The following KIF20A variants were observed in gnomAD, a reference collection of about 807,000 sequenced individuals.
KIF20A encodes the protein kinesin family member 20A.
In KIF20A, 66 loss-of-function variants were observed where a neutral mutation model predicts 113.0. That is an observed-to-expected ratio of 0.58 (90% CI 0.48 to 0.72). KIF20A has a LOEUF of 0.72. KIF20A is among the 30% of genes least tolerant of loss of function. The pLI is 0.00. For missense variants in KIF20A, 927 were observed against 1,077.6 expected, an observed-to-expected ratio of 0.86 and a Z score of 1.96; for synonymous variants, 376 against 402.3, an observed-to-expected ratio of 0.93 and a Z score of 0.78.
intron 2 of KIF20A, among the ~76,000 whole-genome samples, 163 bp from the exon 3 acceptor site, chr5:138,181,259 C>G (rs1325891661): frequency 6.6e-6 from 1 of 152,208 alleles, no homozygotes; most frequent in Non-Finnish European, 1.5e-5. Context: ...TAAAAATGTC[C>G]ATGTGGGTTG....
chr5:138,179,225 G>A (rs1006843096), intron 1 of KIF20A, 23 bp downstream of exon 1: 1 of 193,514 alleles, frequency 5.2e-6, no homozygotes, highest in Non-Finnish European at 1.1e-5. Context: ...CTGTGCTGGA[G>A]CCCGGGTTAC....
chr5:138,181,248 G>A (rs949991358), intron 2 of KIF20A, among the ~76,000 whole-genome samples, 174 bp from the exon 3 acceptor site: 4 of 152,250 alleles, frequency 2.6e-5, no homozygotes, highest in African/African-American at 9.6e-5. Flanking sequence ...TGACAAAGTA[G>A]TAAAAATGTC....
rs1459472701 is a variant in KIF20A at position 138,184,610 on chromosome 5, T to G, written c.1617T>G (p.Ala539=). The change falls in exon 13 of 19, where the codon GCT becomes GCG. Residue 539 remains alanine, a synonymous_variant. Transcript: ENST00000394894. ...TATCCCCCAGCTTAGAGAAAGGGGCTAAGGCAGACACAGGCCTTGATGATG... is the reference window on the plus strand; with the variant it reads ...TATCCCCCAGCTTAGAGAAAGGGGCGAAGGCAGACACAGGCCTTGATGATG... ...LQVSPSLEKG[A]KADTGLDDDI... is the part of the protein sequence containing the mutation. The G allele has an allele frequency of 6.2e-7, 1 of 1,614,180 alleles. No homozygotes were observed. Among genetic ancestry groups the G allele is most frequent in the South Asian group, 1.1e-5 (1 of 91,088 alleles).
At position 138,182,904 on chromosome 5, in the gene KIF20A, G is replaced by T; in HGVS notation, c.746G>T (p.Ser249Ile). The T allele has an allele frequency of 6.2e-7, 1 of 1,614,198 alleles. No individual in the cohort carries two copies. The highest frequency in any genetic ancestry group is 1.6e-4 in the Middle Eastern group (1 of 6,062). ...TSLKRSVYIE[S>I]RIGTSTSFDS... ...TTGAAGAGGAGTGTCTACATCGAAA[G>T]TCGGATAGGTACCAGCACCAGCTTC... Residue 249 changes from serine to isoleucine, a missense_variant, in exon 7 of 19, where the codon AGT (serine) becomes ATT (isoleucine). Coordinates refer to ENST00000394894, the MANE Select transcript of KIF20A (RefSeq NM_005733.3).
intron 17 of KIF20A, 116 bp from the exon 18 acceptor site, chr5:138,186,178 C>A: frequency 6.8e-7 from 1 of 1,479,932 alleles, no homozygotes; most frequent in Non-Finnish European, 9.3e-7. Context: ...GTGGCTATTT[C>A]ACTCAGCTGA....
Position 138,181,664 on chromosome 5 carries a change from C to G in KIF20A, c.311C>G (p.Ser104Cys), listed in dbSNP as rs1418544097. Residue 104 changes from serine (S) to cysteine (C), a missense_variant, in exon 4 of 19, where the codon TCT becomes TGT. Ser to Cys is a moderately radical substitution (Grantham distance 112, BLOSUM62 -1). Transcript: ENST00000394894. The stretch of plus-strand genomic sequence containing the variant: ...CTTGTTCTACAAGCACCCAAGGACT[C>G]TTTTGCCCTGAAGAGCAATGAACGG... ...ETLVLQAPKDSFALKSNERGI... is the reference protein window; with the variant it reads ...ETLVLQAPKDCFALKSNERGI... 3 of 1,614,224 alleles carry G rather than the reference C, an allele frequency of 1.9e-6. No homozygotes were observed. The highest frequency in any genetic ancestry group is 2.5e-6 in the Non-Finnish European group (3 of 1,180,034).
In KIF20A at chr5:138,187,114, C is replaced by T. The variant is rs1263401871; in HGVS notation, c.2374C>T (p.Leu792=). The change falls in exon 19 of 19, where the codon CTG becomes TTG. Residue 792 remains leucine (L), a synonymous_variant. Coordinates refer to ENST00000394894, the MANE Select transcript of KIF20A (RefSeq NM_005733.3). ...LIKQDQTLAE[L]QNNMVLVKLD... ...TCCTTAGGACCAGACTCTGGCTGAACTGCAGAACAACATGGTGCTAGTGAA... is the reference window on the plus strand; with the variant it reads ...TCCTTAGGACCAGACTCTGGCTGAATTGCAGAACAACATGGTGCTAGTGAA... The T allele has an allele frequency of 1.2e-6, 2 of 1,610,288 alleles. No homozygotes were observed. Among genetic ancestry groups the T allele is most frequent in the South Asian group, 2.2e-5 (2 of 90,940 alleles).
rs1208065891 is a variant in KIF20A, at chr5:138,179,817, T to G, written c.137T>G (p.Val46Gly). The part of the protein sequence containing the change: ...RKNLLSDCSV[V>G]STSLEDKQQV... ...AACCTGCTATCAGACTGCTCTGTCG[T>G]CTCTACCTCCCTAGAGGACAAGCAG... The change falls in exon 2 of 19, where the codon GTC (valine) becomes GGC (glycine). Residue 46 changes from valine to glycine, a missense_variant. By Grantham distance (109) the Val-to-Gly change is moderately radical (BLOSUM62 -3). Coordinates refer to ENST00000394894, the MANE Select transcript of KIF20A (RefSeq NM_005733.3). The G allele has an allele frequency of 6.2e-7, 1 of 1,613,990 alleles. No homozygotes were observed. The highest frequency in any genetic ancestry group is 2.2e-5 in the East Asian group (1 of 44,870).
rs1754747390 is a variant in KIF20A at position 138,186,433 on chromosome 5, T to G, written c.2355+2T>G. Reference sequence around the variant, plus strand: ...TGTGATGACATCTTAATCAAACAGGTTAGGGCAAACTATATACCCACTTCT... The same window carrying G: ...TGTGATGACATCTTAATCAAACAGGGTAGGGCAAACTATATACCCACTTCT... On this transcript the variant is annotated splice_donor_variant, in intron 18 of 18. Transcript: ENST00000394894. LOFTEE classifies it high-confidence loss of function. 2.5e-6 allele frequency: 4 copies of G among 1,612,464 alleles called. No homozygotes were observed. Among genetic ancestry groups the G allele is most frequent in the Non-Finnish European group, 3.4e-6 (4 of 1,179,684 alleles).
rs1040876159 is a variant in KIF20A, at chr5:138,187,499, A to G, written c.*86A>G. 6.5e-6 allele frequency: 7 copies of G among 1,085,158 alleles called. No individual in the cohort carries two copies. The highest frequency in any genetic ancestry group is 2.8e-5 in the Admixed American group (1 of 36,010). 67.2% of individuals were successfully genotyped at this position (1,085,158 alleles called of 1,614,324 possible). A position where few individuals can be genotyped will look rare whatever the true frequency, so the allele number is the denominator to read the frequency against. On this transcript the variant is annotated 3_prime_UTR_variant, in exon 19 of 19. Transcript: ENST00000394894. ...AAATAGGTCTCTTTTATGCTTTACC[A>G]TATATCAGGAATTATATCCAGGATG...
rs1170630696 is a variant in KIF20A at position 138,183,675 on chromosome 5, T to C, written c.1140-13T>C. ...AAAATGTGCAATGACTTTTTGTTTT[T>C]CTTAACTTCCAGTCACAGCATCTTC... is the stretch of plus-strand genomic sequence containing the variant. On this transcript the variant is annotated splice_polypyrimidine_tract_variant and intron_variant, in intron 9 of 18. Transcript: ENST00000394894. The surrounding 1 kb of genome is among the most constrained non-coding windows in gnomAD (Gnocchi z 5.2). 11 of 1,613,362 alleles carry C rather than the reference T, an allele frequency of 6.8e-6. No individual in the cohort carries two copies. The highest frequency in any genetic ancestry group is 2.7e-5 in the African/African-American group (2 of 74,910).
rs1199872691 is a variant in KIF20A at position 138,185,586 on chromosome 5, A to G, written c.2001A>G (p.Gln667=). Reference sequence around the variant, plus strand: ...GACAACAGTCAGTGGCCCATCAGCAATCAGGGTCTGAATTGGCCCTACGGC... The same window carrying G: ...GACAACAGTCAGTGGCCCATCAGCAGTCAGGGTCTGAATTGGCCCTACGGC... ...EARQQSVAHQ[Q]SGSELALRRS... is the part of the protein sequence containing the mutation. The change falls in exon 16 of 19, where the codon CAA becomes CAG. Residue 667 remains glutamine, a synonymous_variant. Transcript: ENST00000394894. The G allele has an allele frequency of 2.5e-6, 4 of 1,614,104 alleles. No individual in the cohort carries two copies. The Admixed American group carries it at 6.7e-5, about 27-fold the overall frequency.
chr5:138,182,007 T>C, intron 4 of KIF20A: 2 of 571,174 alleles, frequency 3.5e-6, no homozygotes, highest in East Asian at 3.0e-5. Flanking sequence ...TAGTCACTAG[T>C]AGAGTTAGGA....
rs1754765483 is a variant in KIF20A at position 138,187,448 on chromosome 5, G to C, written c.*35G>C. On this transcript the variant is annotated 3_prime_UTR_variant, in exon 19 of 19. Coordinates refer to ENST00000394894, the MANE Select transcript of KIF20A (RefSeq NM_005733.3). ...GAAAGAGAAGAGCAGTCATGGCCCTGAGGTGGGTCAGCTACTCTCCTGAAG... is the reference window on the plus strand; with the variant it reads ...GAAAGAGAAGAGCAGTCATGGCCCTCAGGTGGGTCAGCTACTCTCCTGAAG... The C allele has an allele frequency of 6.4e-7, 1 of 1,563,962 alleles. No individual in the cohort carries two copies. The highest frequency in any genetic ancestry group is 1.2e-5 in the South Asian group (1 of 85,834).
At chr5:138,181,810 C>T (rs1046314482) in intron 4 of KIF20A, 82 bp downstream of exon 4, 163 of 1,542,730 alleles carry the variant, frequency 1.1e-4, no homozygotes, top group Non-Finnish European at 1.4e-4. Context: ...AGCTTCTCTT[C>T]CTGACTGTGA....
chr5:138,179,551 T>C (rs1006807177), intron 1 of KIF20A, 109 bp from the exon 2 acceptor site: 1 of 769,328 alleles, frequency 1.3e-6, no homozygotes. Context: ...GGAAAAGAAG[T>C]AGGAAGCGGG....
At chr5:138,181,759 AC>A in intron 4 of KIF20A, 31 bp downstream of exon 4, 1 of 1,610,918 alleles carries the variant, frequency 6.2e-7, no homozygotes, top group South Asian at 1.1e-5. Context: ...TGAACAAAAG[AC>A]CAACATGTAA....
intron 14 of KIF20A, 38 bp downstream of exon 14, chr5:138,184,984 G>A: frequency 6.2e-7 from 1 of 1,610,674 alleles, no homozygotes; most frequent in South Asian, 1.1e-5. Flanking sequence ...TGTCACCTGA[G>A]ACAGAGGGTG....
chr5:138,187,292 GA>G lies in KIF20A; in HGVS notation c.2555del (p.Asn852IlefsTer59), dbSNP rs1561631351. The G allele has an allele frequency of 1.2e-6, 2 of 1,614,166 alleles. No individual in the cohort carries two copies. Among genetic ancestry groups the G allele is most frequent in the Admixed American group, 3.3e-5 (2 of 60,002 alleles). ...QQPPGKKPFLRNLLPRTPTCQ... is the reference protein window; with the variant it reads ...QQPPGKKPFLXNLLPRTPTCQ... ...CCACCAGGGAAGAAACCATTCCTTC[GA>G]AATTTACTTCCCCGAACACCAACCT... is the stretch of plus-strand genomic sequence containing the variant. On this transcript the variant is annotated frameshift_variant, in exon 19 of 19. Coordinates refer to ENST00000394894, the MANE Select transcript of KIF20A (RefSeq NM_005733.3). LOFTEE classifies it high-confidence loss of function.
Sources: gnomAD v4.1 joint callset for allele counts (sites outside exome capture counted in the v4.1 genomes callset) on GRCh38, gnomAD v4.1.1 for gene constraint, Gnocchi (gnomAD v3.1) non-coding constraint, MANE v1.5 for transcripts, NCBI Gene and HGNC (gene_info 2026-07-23, HGNC 2026-07-21) for gene names.